ANXA10: variants seen among roughly 807,000 people sequenced by gnomAD.
ANXA10 encodes the protein annexin A10.
Under a neutral mutation model 53.5 loss-of-function variants are expected in ANXA10, and 49 were observed. The ratio of observed to expected loss-of-function variants is 0.92; its 90% CI spans 0.73 to 1.16. The LOEUF (loss-of-function observed/expected upper bound fraction) is 1.16, where lower values mean the gene tolerates loss of function less well. Ranked by LOEUF, ANXA10 falls within the 50% of genes most tolerant of loss-of-function variation. ANXA10 has a pLI of 0.00. For synonymous variants in ANXA10, 131 were observed against 128.9 expected (o/e 1.02, Z -0.11); for missense variants, 393 against 394.4 (o/e 1.00, Z 0.03).
rs1188854721 is a variant in ANXA10 at position 168,184,619 on chromosome 4, C to A, written c.844C>A (p.Leu282Met). The A allele has an allele frequency of 3.1e-6, 5 of 1,613,796 alleles. No homozygotes were observed. The African/African-American group carries it at 5.3e-5, about 17-fold the overall frequency. The change falls in exon 11 of 12, where the codon CTG becomes ATG. Residue 282 changes from leucine (L) to methionine (M), a missense_variant. Physicochemically the swap from Leu to Met is conservative, Grantham distance 15. Coordinates refer to ENST00000359299, the MANE Select transcript of ANXA10 (RefSeq NM_007193.5). ...RILIARSEIDLLTIRKRYKER... is the reference protein window; with the variant it reads ...RILIARSEIDMLTIRKRYKER... The stretch of plus-strand genomic sequence containing the variant: ...TCTCATTGCCAGAAGTGAAATAGAC[C>A]TGCTGACCATAAGGAAACGATACAA...
chr4:168,138,281 C>T (rs1158631134), intron 2 of ANXA10, among the ~76,000 whole-genome samples: 1 of 151,990 alleles, frequency 6.6e-6, no homozygotes, highest in Non-Finnish European at 1.5e-5. Flanking sequence ...TAATAATAGT[C>T]ATTCTGACTG....
In ANXA10 at chr4:168,124,443, A is replaced by C. The variant is rs1374346653; in HGVS notation, c.19-3641A>C. On this transcript the variant is annotated intron_variant, in intron 1 of 11. Coordinates refer to ENST00000359299, the MANE Select transcript of ANXA10 (RefSeq NM_007193.5). The stretch of plus-strand genomic sequence containing the variant: ...TAAAATATGAAACTATCCAGGGAGT[A>C]AGGAATCAGGTCATGAAGAATATTG... Among the ~76,000 whole-genome samples the C allele has an allele frequency of 2.6e-5, 4 of 152,306 alleles. No homozygotes were observed. The East Asian group carries it at 7.7e-4, about 29-fold the overall frequency.
Position 168,176,993 on chromosome 4 carries a change from C to T in ANXA10, c.481-747C>T, listed in dbSNP as rs188855069. On this transcript the variant is annotated intron_variant, in intron 6 of 11. Transcript: ENST00000359299. ...CTAACCTGTGGAATGGAGCAAGGCCCTGTCTCAAAAAAAGAAAAATGGTAG... is the reference window on the plus strand; with the variant it reads ...CTAACCTGTGGAATGGAGCAAGGCCTTGTCTCAAAAAAAGAAAAATGGTAG... Among the ~76,000 whole-genome samples, 139 of 152,178 alleles carry T rather than the reference C, an allele frequency of 9.1e-4. 1 individual carries two copies. Among genetic ancestry groups the T allele is most frequent in the African/African-American group, 3.3e-3 (136 of 41,516 alleles).
chr4:168,100,573 G>A (rs1230111624), intron 1 of ANXA10, among the ~76,000 whole-genome samples: 1 of 152,020 alleles, frequency 6.6e-6, no homozygotes, highest in African/African-American at 2.4e-5. Context: ...ACTGGGATCT[G>A]TTTCCTGCTA....
chr4:168,093,074 T>G (rs559637058), intron 1 of ANXA10, among the ~76,000 whole-genome samples: 1 of 152,256 alleles, frequency 6.6e-6, no homozygotes, highest in Admixed American at 6.5e-5. Flanking sequence ...GAGTTAATAT[T>G]ATGAAATCTT....
intron 6 of ANXA10, among the ~76,000 whole-genome samples, chr4:168,168,941 TG>T (rs1731931170): frequency 6.6e-6 from 1 of 152,222 alleles, no homozygotes; most frequent in Non-Finnish European, 1.5e-5. Flanking sequence ...TGGATATCTG[TG>T]GTTTGGCTAC....
At chr4:168,179,427 G>C (rs1732197086) in intron 9 of ANXA10, 115 bp downstream of exon 9, 1 of 722,484 alleles carries the variant, frequency 1.4e-6, no homozygotes, top group East Asian at 2.9e-5. Flanking sequence ...ATTTTCCCTT[G>C]AATTTAATTT....
intron 1 of ANXA10, among the ~76,000 whole-genome samples, 167 bp downstream of exon 1, chr4:168,092,885 T>C (rs1730482187): frequency 1.3e-5 from 2 of 152,172 alleles, no homozygotes; most frequent in African/African-American, 4.8e-5. Flanking sequence ...GAAACATTTA[T>C]AGAATATTTA....
intron 3 of ANXA10, among the ~76,000 whole-genome samples, chr4:168,161,359 C>G (rs1424727953): frequency 6.6e-6 from 1 of 152,148 alleles, no homozygotes; most frequent in Non-Finnish European, 1.5e-5. Flanking sequence ...TGTCAAAGAT[C>G]AGATGGTTGT....
At chr4:168,161,094 T>C (rs952125884) in intron 3 of ANXA10, among the ~76,000 whole-genome samples, 4 of 152,240 alleles carry the variant, frequency 2.6e-5, no homozygotes, top group Non-Finnish European at 5.9e-5. Flanking sequence ...TTTGCTTTTG[T>C]TGCAGTTGCT....
At position 168,171,956 on chromosome 4, in the gene ANXA10, G is replaced by C. The variant is rs556665222; in HGVS notation, c.481-5784G>C. On this transcript the variant is annotated intron_variant, in intron 6 of 11. Transcript: ENST00000359299. ...TCTCTTATGACAGTTTCTTGAACCC[G>C]TACAATGAGGCCTCTGGGAGTGTTA... 1.2e-4 allele frequency among the ~76,000 whole-genome samples: 18 copies of C among 152,236 alleles called. No homozygotes were observed. The South Asian group carries it at 3.1e-3, about 26-fold the overall frequency.
At chr4:168,161,647 T>C (rs1560786534) in intron 3 of ANXA10, among the ~76,000 whole-genome samples, 1 of 152,220 alleles carries the variant, frequency 6.6e-6, no homozygotes, top group Non-Finnish European at 1.5e-5. Flanking sequence ...TATAAATTAC[T>C]TTGAACAATA....
chr4:168,156,151 T>C lies in ANXA10; in HGVS notation c.196-6377T>C, dbSNP rs1486232378. Among the ~76,000 whole-genome samples, 10 of 18,188 alleles carry C rather than the reference T, an allele frequency of 5.5e-4. No individual in the cohort carries two copies. In the East Asian group the frequency reaches 0.014, roughly 26 times the overall value. The allele number at this position is 18,188 out of a possible 152,430, so 11.9% of individuals were successfully genotyped here. ...ATATATATTATATATAAAAATAATA[T>C]ATATTATATATTATATATATTATAT... On this transcript the variant is annotated intron_variant, in intron 3 of 11. Transcript: ENST00000359299.
In ANXA10 at chr4:168,165,333, C is replaced by A; in HGVS notation, c.480+7C>A. 6.6e-7 allele frequency: 1 copy of A among 1,515,406 alleles called. No individual in the cohort carries two copies. The highest frequency in any genetic ancestry group is 8.9e-7 in the Non-Finnish European group (1 of 1,118,110). 93.9% of individuals were successfully genotyped at this position (1,515,406 alleles called of 1,614,324 possible). ...TCTCATGAACTTGGTCCAGGTATGG[C>A]ATTCCAAAATTTACATTACTTTGCA... On this transcript the variant is annotated splice_region_variant and intron_variant, in intron 6 of 11. Coordinates refer to ENST00000359299, the MANE Select transcript of ANXA10 (RefSeq NM_007193.5).
chr4:168,147,714 C>T (rs1731427738), intron 3 of ANXA10, among the ~76,000 whole-genome samples: 1 of 152,202 alleles, frequency 6.6e-6, no homozygotes, highest in African/African-American at 2.4e-5. Flanking sequence ...GGTTTACTTT[C>T]ACCGATGAGT....
At position 168,176,743 on chromosome 4, in the gene ANXA10, G is replaced by A. The variant is rs139280068; in HGVS notation, c.481-997G>A. 2.0e-3 allele frequency among the ~76,000 whole-genome samples: 308 copies of A among 152,156 alleles called. 1 individual carries two copies. Among genetic ancestry groups the A allele is most frequent in the Middle Eastern group, 0.017 (5 of 294 alleles). ...GGACTAGGCACAGTGGCTCATGCCTGTAACCCCAACATTTTGAGAGGCTGA... is the reference window on the plus strand; with the variant it reads ...GGACTAGGCACAGTGGCTCATGCCTATAACCCCAACATTTTGAGAGGCTGA... On this transcript the variant is annotated intron_variant, in intron 6 of 11. Transcript: ENST00000359299.
chr4:168,141,563 T>C (rs949860993), intron 3 of ANXA10, among the ~76,000 whole-genome samples: 37 of 152,202 alleles, frequency 2.4e-4, no homozygotes, highest in Admixed American at 2.2e-3. Flanking sequence ...TTCCATGCGC[T>C]ACTAAAAAGT....
chr4:168,184,793 A>C (rs1732332822), intron 11 of ANXA10, 112 bp downstream of exon 11: 1 of 1,398,274 alleles, frequency 7.2e-7, no homozygotes, highest in Admixed American at 2.1e-5. Context: ...TTAACTATTC[A>C]GACAGGGATA....
intron 9 of ANXA10, among the ~76,000 whole-genome samples, chr4:168,180,245 C>T (rs533903049): frequency 5.4e-4 from 82 of 152,092 alleles, no homozygotes; most frequent in South Asian, 1.0e-3. Flanking sequence ...TACATTTATT[C>T]CAGAAAATTC....
Sources: gnomAD v4.1 joint callset for allele counts (sites outside exome capture counted in the v4.1 genomes callset) on GRCh38, gnomAD v4.1.1 for gene constraint, MANE v1.5 for transcripts, NCBI Gene and HGNC (gene_info 2026-07-23, HGNC 2026-07-21) for gene names.